LTBP1: variants seen among roughly 807,000 people sequenced by gnomAD.
LTBP1 encodes the protein latent transforming growth factor beta binding protein 1, also known as latent-transforming growth factor beta-binding protein 1.
A neutral mutation model predicts 207.6 loss-of-function variants in LTBP1; 129 were observed. The observed-to-expected ratio is 0.62, with a 90% CI of 0.54 to 0.72. LTBP1 has a LOEUF of 0.72. Ranked by LOEUF, LTBP1 falls within the 30% of genes least tolerant of loss-of-function variation. LTBP1 has a pLI of 0.00. For synonymous variants in LTBP1, 963 were observed against 833.7 expected (o/e 1.16, Z -2.67); for missense variants, 2,281 against 2,217.2 (o/e 1.03, Z -0.58).
intron 2 of LTBP1, among the ~76,000 whole-genome samples, chr2:33,009,734 C>T (rs1444039746): frequency 6.6e-6 from 1 of 152,160 alleles, no homozygotes; most frequent in East Asian, 1.9e-4. Flanking sequence ...TAAACTAATA[C>T]ACTTGGTGAG....
At chr2:33,330,388 C>T (rs2094479121) in intron 24 of LTBP1, among the ~76,000 whole-genome samples, 1 of 149,130 alleles carries the variant, frequency 6.7e-6, no homozygotes, top group South Asian at 2.1e-4. Context: ...CTGTCTAGGA[C>T]CTCTACTGCA....
chr2:33,050,130 ATTT>A (rs11318613), intron 3 of LTBP1, among the ~76,000 whole-genome samples: 4,075 of 144,618 alleles, frequency 0.028, 92 homozygotes, highest in Non-Finnish European at 0.042. Flanking sequence ...AGGCGTAAGC[ATTT>A]TTTTTTTTTT....
chr2:33,196,746 C>T (rs922261057), intron 7 of LTBP1, among the ~76,000 whole-genome samples: 2 of 152,300 alleles, frequency 1.3e-5, no homozygotes, highest in South Asian at 4.1e-4. Context: ...TGAGCAATGA[C>T]ATCTTTGTTA....
chr2:33,284,480 A>G (rs985946507), intron 19 of LTBP1, among the ~76,000 whole-genome samples: 12 of 152,128 alleles, frequency 7.9e-5, no homozygotes, highest in Non-Finnish European at 1.6e-4. Context: ...TCGGCACTGT[A>G]TTCCTTGGAC....
chr2:33,045,267 G>A (rs1235739739), intron 3 of LTBP1, among the ~76,000 whole-genome samples: 4 of 151,936 alleles, frequency 2.6e-5, no homozygotes, highest in Non-Finnish European at 4.4e-5. Flanking sequence ...TAAGTCTTTA[G>A]TCCATCTTGA....
At chr2:33,042,086 C>G (rs1275957429) in intron 3 of LTBP1, among the ~76,000 whole-genome samples, 1 of 152,138 alleles carries the variant, frequency 6.6e-6, no homozygotes, top group Admixed American at 6.5e-5. Context: ...GTGAATTTTT[C>G]TAGTGATCAA....
At chr2:33,221,552 C>T (rs374777368) in intron 8 of LTBP1, among the ~76,000 whole-genome samples, 1 of 152,176 alleles carries the variant, frequency 6.6e-6, no homozygotes, top group South Asian at 2.1e-4. Flanking sequence ...CTATTCTTCT[C>T]TGGTTCATAA....
chr2:33,393,234 C>CTTTTTTTTTTTTTTTT (rs569734292), intron 32 of LTBP1, among the ~76,000 whole-genome samples: 1 of 48,768 alleles, frequency 2.1e-5, no homozygotes, highest in Non-Finnish European at 3.8e-5. Flanking sequence ...CCTTCTTCTT[C>CTTTTTTTTTTTTTTTT]TTTTTTTTTT....
rs138821905 is a variant in LTBP1 at position 33,117,424 on chromosome 2, G to A, written c.1033+6673G>A. On this transcript the variant is annotated intron_variant, in intron 4 of 33. Transcript: ENST00000404816. ...AAAAGGAAGTTCACATGTCTGGAGCGAAGAGTCTTTACGGTTGCAGTCTGA... is the reference window on the plus strand; with the variant it reads ...AAAAGGAAGTTCACATGTCTGGAGCAAAGAGTCTTTACGGTTGCAGTCTGA... Among the ~76,000 whole-genome samples the A allele has an allele frequency of 2.0e-3, 300 of 152,294 alleles. 1 individual carries two copies. Among genetic ancestry groups the A allele is most frequent in the Non-Finnish European group, 2.9e-3 (197 of 68,036 alleles).
intron 5 of LTBP1, among the ~76,000 whole-genome samples, chr2:33,177,146 T>G (rs1417591544): frequency 6.6e-6 from 1 of 152,224 alleles, no homozygotes; most frequent in Non-Finnish European, 1.5e-5. Flanking sequence ...GCTCTTAATG[T>G]CTATGCTCTG....
chr2:33,317,463 G>A (rs2094289856), intron 24 of LTBP1, among the ~76,000 whole-genome samples: 2 of 152,006 alleles, frequency 1.3e-5, no homozygotes, highest in Admixed American at 1.3e-4. Context: ...ATTCTAAATT[G>A]GTCCAAATTT....
At position 33,078,862 on chromosome 2, in the gene LTBP1, C is replaced by CTTTTTTTTT. The variant is rs34843933; in HGVS notation, c.864-31713_864-31705dup. ...CTTCTGTTTTCTTTTCTTTTCTTTT[C>CTTTTTTTTT]TTTTTTTTTTTTTTTGAGACAGAGT... On this transcript the variant is annotated intron_variant, in intron 3 of 33. Coordinates refer to ENST00000404816, the MANE Select transcript of LTBP1 (RefSeq NM_206943.4). Among the ~76,000 whole-genome samples the CTTTTTTTTT allele has an allele frequency of 2.8e-3, 302 of 106,828 alleles. 4 individuals are homozygous for CTTTTTTTTT. The highest frequency in any genetic ancestry group is 5.1e-3 in the South Asian group (14 of 2,766). 70.1% of individuals were successfully genotyped at this position (106,828 alleles called of 152,430 possible). A position where few individuals can be genotyped will look rare whatever the true frequency, so the allele number is the denominator to read the frequency against.
chr2:33,094,724 C>T (rs2079299622), intron 3 of LTBP1, among the ~76,000 whole-genome samples: 1 of 152,152 alleles, frequency 6.6e-6, no homozygotes, highest in African/African-American at 2.4e-5. Flanking sequence ...TCCCCAGTTG[C>T]CAGAGATGTG....
intron 19 of LTBP1, among the ~76,000 whole-genome samples, chr2:33,283,568 C>A (rs1040088354): frequency 1.3e-5 from 2 of 150,648 alleles, no homozygotes; most frequent in Admixed American, 1.3e-4. Context: ...TCCTGAGTAA[C>A]TGGGACTACA....
intron 3 of LTBP1, among the ~76,000 whole-genome samples, chr2:33,045,141 G>T (rs2076384413): frequency 6.6e-6 from 1 of 152,028 alleles, no homozygotes; most frequent in Non-Finnish European, 1.5e-5. Flanking sequence ...GTCAATTTTG[G>T]CTTCTGTTGC....
At chr2:33,097,813 A>G (rs1471058952) in intron 3 of LTBP1, among the ~76,000 whole-genome samples, 1 of 152,226 alleles carries the variant, frequency 6.6e-6, no homozygotes, top group Non-Finnish European at 1.5e-5. Flanking sequence ...TTTAGTGGTT[A>G]TATAGCACTC....
At position 33,252,669 on chromosome 2, in the gene LTBP1, T is replaced by C. The variant is rs779133743; in HGVS notation, c.2000-8T>C. 6.2e-7 allele frequency: 1 copy of C among 1,605,208 alleles called. No individual in the cohort carries two copies. The highest frequency in any genetic ancestry group is 2.2e-5 in the East Asian group (1 of 44,756). ...CATGTAATGTCGGGCTTTATCTCTC[T>C]GCTTCAGCTGATCCCCCTGTGATCT... On this transcript the variant is annotated splice_region_variant and splice_polypyrimidine_tract_variant and intron_variant, in intron 10 of 33. Transcript: ENST00000404816.
chr2:33,043,889 A>G (rs1295134319), intron 3 of LTBP1, among the ~76,000 whole-genome samples: 1 of 152,102 alleles, frequency 6.6e-6, no homozygotes, highest in African/African-American at 2.4e-5. Context: ...ATGAAGAGGG[A>G]GGGCTTAAGC....
chr2:33,341,338 G>A (rs1437546191), intron 24 of LTBP1, among the ~76,000 whole-genome samples: 10 of 152,100 alleles, frequency 6.6e-5, no homozygotes, highest in Admixed American at 2.0e-4. Flanking sequence ...TGGTCAGGGC[G>A]GGAGAAGGAG....
Sources: gnomAD v4.1 joint callset for allele counts (sites outside exome capture counted in the v4.1 genomes callset) on GRCh38, gnomAD v4.1.1 for gene constraint, MANE v1.5 for transcripts, NCBI Gene and HGNC (gene_info 2026-07-23, HGNC 2026-07-21) for gene names.